MMP26: variants seen among roughly 807,000 people sequenced by gnomAD.
MMP26 encodes matrix metalloproteinase-26.
A neutral mutation model predicts 31.0 loss-of-function variants in MMP26; 33 were observed. The observed-to-expected ratio is 1.06, with a 90% confidence interval of 0.81 to 1.42. The LOEUF (loss-of-function observed/expected upper bound fraction) is 1.42, where lower values mean the gene tolerates loss of function less well. Among genes scored for constraint, MMP26 ranks in the 40% most tolerant of loss-of-function variants. The pLI is 0.00. For synonymous variants in MMP26, 122 were observed against 114.9 expected (o/e 1.06, Z -0.40); for missense variants, 347 against 316.1 (o/e 1.10, Z -0.74).
chr11:4,779,163 T>A (rs1347812931), intron 2 of MMP26, among the ~76,000 whole-genome samples: 1 of 152,042 alleles, frequency 6.6e-6, no homozygotes, highest in African/African-American at 2.4e-5. Flanking sequence ...GTGGTGATGT[T>A]AGGCATCATT....
intron 1 of MMP26, among the ~76,000 whole-genome samples, chr11:4,737,733 C>T (rs1259651992): frequency 2.0e-5 from 3 of 152,272 alleles, no homozygotes; most frequent in Non-Finnish European, 2.9e-5. Context: ...TCAGTTTCTC[C>T]GTTCCTTTGT....
chr11:4,705,992 G>T (rs917265364), intron 1 of MMP26, among the ~76,000 whole-genome samples: 1 of 151,498 alleles, frequency 6.6e-6, no homozygotes, highest in Non-Finnish European at 1.5e-5. Flanking sequence ...GGTGGTGGTG[G>T]GGGGAGCTGT....
chr11:4,916,469 C>T (rs1448181095), intron 2 of MMP26, among the ~76,000 whole-genome samples: 2 of 151,476 alleles, frequency 1.3e-5, no homozygotes, highest in African/African-American at 4.8e-5. Context: ...TTTTATTTCA[C>T]CTTCTTTTCT....
intron 2 of MMP26, chr11:4,943,881 T>C (rs1481826979): frequency 2.2e-6 from 1 of 447,810 alleles, no homozygotes; most frequent in Admixed American, 2.4e-5. Flanking sequence ...AAAATACAGA[T>C]GATCTTTGAT....
At chr11:4,909,758 T>TTAAC (rs903217438) in intron 2 of MMP26, among the ~76,000 whole-genome samples, 3 of 152,152 alleles carry the variant, frequency 2.0e-5, no homozygotes, top group African/African-American at 7.2e-5. Flanking sequence ...AAATGTAAAT[T>TTAAC]TAACCACAGC....
In MMP26 at chr11:4,724,193, C is replaced by T. The variant is rs1437903187; in HGVS notation, c.-217+19148C>T. 12 of 515,374 alleles carry T rather than the reference C, an allele frequency of 2.3e-5. No individual in the cohort carries two copies. In the South Asian group the frequency reaches 2.4e-4, roughly 10 times the overall value. 31.9% of individuals were successfully genotyped at this position (515,374 alleles called of 1,614,324 possible). A position where few individuals can be genotyped will look rare whatever the true frequency, so the allele number is the denominator to read the frequency against. ...GACATGGTAGAGGCAGGAGTGGAGG[C>T]AGGCGATGGGCCTGTGAACCAGGTG... On this transcript the variant is annotated intron_variant, in intron 1 of 7. Coordinates refer to ENST00000380390, the MANE Select transcript of MMP26 (RefSeq NM_021801.5).
At chr11:4,874,628 G>C (rs1850355818) in intron 2 of MMP26, among the ~76,000 whole-genome samples, 1 of 151,430 alleles carries the variant, frequency 6.6e-6, no homozygotes, top group Non-Finnish European at 1.5e-5. Context: ...TTCTCAGAAG[G>C]GTTATGATAA....
intron 2 of MMP26, among the ~76,000 whole-genome samples, chr11:4,801,509 TTTATTTA>T (rs1260484559): frequency 0.047 from 6 of 128 alleles, no homozygotes; most frequent in Non-Finnish European, 0.1. Context: ...GGACTTTTTA[TTTATTTA>T]TTTATTTATT....
intron 2 of MMP26, chr11:4,914,465 C>T (rs942414087): frequency 7.1e-6 from 3 of 425,100 alleles, no homozygotes; most frequent in Admixed American, 7.7e-5. Flanking sequence ...GTAGCAAGTT[C>T]CTGGAAGAGC....
intron 1 of MMP26, among the ~76,000 whole-genome samples, chr11:4,751,001 T>C (rs905792126): frequency 6.6e-6 from 1 of 152,078 alleles, no homozygotes. Flanking sequence ...AGTTCCATAA[T>C]AGCCATTCAA....
At chr11:4,842,992 T>C (rs1199948679) in intron 2 of MMP26, among the ~76,000 whole-genome samples, 2 of 152,146 alleles carry the variant, frequency 1.3e-5, no homozygotes, top group Non-Finnish European at 2.9e-5. Flanking sequence ...AGTCATTAAA[T>C]CTTAAATCCT....
chr11:4,706,577 C>CAAAAAAAAAAAAA (rs71050423), intron 1 of MMP26, among the ~76,000 whole-genome samples: 4 of 87,566 alleles, frequency 4.6e-5, no homozygotes, highest in Non-Finnish European at 6.3e-5. Context: ...GACCCTATCT[C>CAAAAAAAAAAAAA]AAAAAAAAAA....
intron 2 of MMP26, chr11:4,937,991 A>G (rs972172636): frequency 6.6e-6 from 1 of 152,204 alleles, no homozygotes; most frequent in African/African-American, 2.4e-5. Context: ...AAAAATTCCT[A>G]GGCAAAGCAT....
At chr11:4,705,771 C>T (rs1847767571) in intron 1 of MMP26, among the ~76,000 whole-genome samples, 2 of 152,024 alleles carry the variant, frequency 1.3e-5, no homozygotes, top group South Asian at 2.1e-4. Flanking sequence ...GGGCAGATCA[C>T]GAGGTCAGGA....
chr11:4,803,431 G>C, intron 2 of MMP26: 1 of 1,586,136 alleles, frequency 6.3e-7, no homozygotes, highest in South Asian at 1.1e-5. Flanking sequence ...CTGACCCTTT[G>C]CTCAGGGGAT....
chr11:4,888,416 G>C (rs905479142), intron 2 of MMP26, among the ~76,000 whole-genome samples: 6 of 151,838 alleles, frequency 4.0e-5, no homozygotes, highest in African/African-American at 1.5e-4. Flanking sequence ...TTATTTCTAA[G>C]CTTCTAGTGA....
chr11:4,946,003 G>T lies in MMP26; in HGVS notation c.-144-42065G>T, dbSNP rs1008646812. 5 of 717,076 alleles carry T rather than the reference G, an allele frequency of 7.0e-6. No homozygotes were observed. In the African/African-American group the frequency reaches 7.2e-5, roughly 10 times the overall value. 44.4% of individuals were successfully genotyped at this position (717,076 alleles called of 1,614,324 possible). A position where few individuals can be genotyped will look rare whatever the true frequency, so the allele number is the denominator to read the frequency against. ...TAAGGCAACGTACTTCCTGTTTATAGTTCTATTCTCATTCGCAGTATCCAG... is the reference window on the plus strand; with the variant it reads ...TAAGGCAACGTACTTCCTGTTTATATTTCTATTCTCATTCGCAGTATCCAG... On this transcript the variant is annotated intron_variant, in intron 2 of 7. Coordinates refer to ENST00000380390, the MANE Select transcript of MMP26 (RefSeq NM_021801.5).
intron 2 of MMP26, among the ~76,000 whole-genome samples, chr11:4,873,641 T>G (rs1006627415): frequency 9.2e-5 from 14 of 152,174 alleles, no homozygotes; most frequent in Non-Finnish European, 8.8e-5. Context: ...TTTTGAGAGA[T>G]AATTTTTATA....
chr11:4,860,804 G>T (rs1388682823), intron 2 of MMP26, among the ~76,000 whole-genome samples: 2 of 151,964 alleles, frequency 1.3e-5, no homozygotes, highest in Non-Finnish European at 2.9e-5. Context: ...TTGAAAAATG[G>T]GAACAAGAGT....
Sources: gnomAD v4.1 joint callset for allele counts (sites outside exome capture counted in the v4.1 genomes callset) on GRCh38, gnomAD v4.1.1 for gene constraint, MANE v1.5 for transcripts, NCBI Gene and HGNC (gene_info 2026-07-23, HGNC 2026-07-21) for gene names.